Variants in DTWD2 observed in about 807,000 individuals in gnomAD.
DTWD2 encodes tRNA-uridine aminocarboxypropyltransferase 2.
In DTWD2, 39 loss-of-function variants were observed where a neutral mutation model predicts 31.8. The observed-to-expected ratio is 1.22, with a 90% CI of 0.95 to 1.60. DTWD2 has a LOEUF of 1.60. Ranked by LOEUF, DTWD2 falls within the 40% of genes most tolerant of loss-of-function variation. The pLI is 0.00. For missense variants in DTWD2, 515 were observed against 381.5 expected (o/e 1.35, Z -2.92); for synonymous variants, 180 against 142.8 (o/e 1.26, Z -1.86).
chr5:118,906,538 C>G (rs1479612364), intron 4 of DTWD2, among the ~76,000 whole-genome samples: 1 of 152,068 alleles, frequency 6.6e-6, no homozygotes, highest in African/African-American at 2.4e-5. Flanking sequence ...ACTTCTGATA[C>G]ATACAACAAA....
intron 4 of DTWD2, among the ~76,000 whole-genome samples, chr5:118,887,166 T>C (rs1311314972): frequency 2.0e-5 from 3 of 152,190 alleles, no homozygotes; most frequent in Non-Finnish European, 4.4e-5. Context: ...AAATCCTGGA[T>C]CTGCCACTTT....
intron 1 of DTWD2, among the ~76,000 whole-genome samples, chr5:118,970,524 T>A (rs910370831): frequency 6.6e-6 from 1 of 152,192 alleles, no homozygotes; most frequent in African/African-American, 2.4e-5. Flanking sequence ...CTGGGGTACC[T>A]GAAAGAGACA....
intron 1 of DTWD2, among the ~76,000 whole-genome samples, chr5:118,987,890 T>C (rs931851645): frequency 1.1e-4 from 17 of 152,130 alleles, no homozygotes; most frequent in Admixed American, 1.0e-3. Flanking sequence ...GTAGGATAGG[T>C]AAAGGAGACT....
At chr5:118,911,885 C>T (rs1341311011) in intron 4 of DTWD2, among the ~76,000 whole-genome samples, 1 of 152,208 alleles carries the variant, frequency 6.6e-6, no homozygotes, top group African/African-American at 2.4e-5. Flanking sequence ...TATCCCTACT[C>T]AGGGGCATAT....
rs1489634629 is a variant in DTWD2, at chr5:118,836,986, T to G, written c.*3931A>C. 6.6e-6 allele frequency among the ~76,000 whole-genome samples: 1 copy of G among 152,236 alleles called. No homozygotes were observed. On this transcript the variant is annotated 3_prime_UTR_variant, in exon 6 of 6. Transcript: ENST00000510708. ...AAAAGTCAGGGATTTCCAGATTTCC[T>G]GAATAATTTTTAAATATAAAATTGT...
chr5:118,894,521 A>AG (rs1753040591), intron 4 of DTWD2, among the ~76,000 whole-genome samples: 1 of 152,210 alleles, frequency 6.6e-6, no homozygotes, highest in Non-Finnish European at 1.5e-5. Flanking sequence ...TAAATAGAAC[A>AG]GGAAAAAGAA....
chr5:118,905,573 A>G (rs923905788), intron 4 of DTWD2, among the ~76,000 whole-genome samples: 3 of 152,158 alleles, frequency 2.0e-5, no homozygotes, highest in Non-Finnish European at 4.4e-5. Context: ...GGATTCAAAG[A>G]ATCTTACTAT....
At chr5:118,843,294 G>A (rs1408764495) in intron 5 of DTWD2, among the ~76,000 whole-genome samples, 1 of 151,056 alleles carries the variant, frequency 6.6e-6, no homozygotes, top group Non-Finnish European at 1.5e-5. Flanking sequence ...AGGAAGGAAG[G>A]GAAAGGAAGG....
At chr5:118,986,274 G>A (rs1010520238) in intron 1 of DTWD2, among the ~76,000 whole-genome samples, 2 of 152,124 alleles carry the variant, frequency 1.3e-5, no homozygotes, top group African/African-American at 4.8e-5. Context: ...GGCAGGTTTT[G>A]TAAACAAGAC....
At chr5:118,857,615 T>C (rs1752168494) in intron 4 of DTWD2, among the ~76,000 whole-genome samples, 1 of 152,204 alleles carries the variant, frequency 6.6e-6, no homozygotes, top group African/African-American at 2.4e-5. Flanking sequence ...TAGAAGTTAT[T>C]GATTTTAATG....
chr5:118,981,161 T>C (rs957585257), intron 1 of DTWD2, among the ~76,000 whole-genome samples: 1 of 151,954 alleles, frequency 6.6e-6, no homozygotes, highest in Admixed American at 6.6e-5. Context: ...AAACAAAAAG[T>C]AGAATAGAGG....
At chr5:118,909,192 G>T (rs368199580) in intron 4 of DTWD2, among the ~76,000 whole-genome samples, 1 of 152,224 alleles carries the variant, frequency 6.6e-6, no homozygotes, top group African/African-American at 2.4e-5. Flanking sequence ...ACAAAGAAGT[G>T]TGTGGCCTAT....
chr5:118,928,025 G>T (rs1753845681), intron 4 of DTWD2, among the ~76,000 whole-genome samples: 1 of 151,954 alleles, frequency 6.6e-6, no homozygotes, highest in Non-Finnish European at 1.5e-5. Flanking sequence ...AGGAATATAA[G>T]AATGGACCAA....
rs1463461622 is a variant in DTWD2 at position 118,957,312 on chromosome 5, C to G, written c.219-12663G>C. Reference sequence around the variant, plus strand: ...TCTCGGCTCACTGCAACCTCCACATCCCGGGTACAAGCAATTCTCCTGCCT... The same window carrying G: ...TCTCGGCTCACTGCAACCTCCACATGCCGGGTACAAGCAATTCTCCTGCCT... On this transcript the variant is annotated intron_variant, in intron 1 of 5. Coordinates refer to ENST00000510708, the MANE Select transcript of DTWD2 (RefSeq NM_173666.4). Among the ~76,000 whole-genome samples the G allele has an allele frequency of 2.0e-5, 3 of 151,884 alleles. No individual in the cohort carries two copies. In the East Asian group the frequency reaches 5.8e-4, roughly 29 times the overall value.
At chr5:118,934,246 G>A (rs1003681830) in intron 3 of DTWD2, among the ~76,000 whole-genome samples, 3 of 112,028 alleles carry the variant, frequency 2.7e-5, no homozygotes, top group South Asian at 3.2e-4. Flanking sequence ...ACTGGCCTGG[G>A]CAACATAGTG....
At chr5:118,869,226 C>A (rs1533107) in intron 4 of DTWD2, among the ~76,000 whole-genome samples, 25 of 151,552 alleles carry the variant, frequency 1.6e-4, no homozygotes, top group African/African-American at 5.8e-4. Flanking sequence ...TGTATTTTAC[C>A]ACAACTTTTT....
intron 1 of DTWD2, among the ~76,000 whole-genome samples, chr5:118,954,782 A>G (rs1458827586): frequency 6.6e-6 from 1 of 152,110 alleles, no homozygotes; most frequent in African/African-American, 2.4e-5. Context: ...CGGCCTCCCA[A>G]AGTGCTGAAG....
At chr5:118,876,843 T>C (rs1045095909) in intron 4 of DTWD2, among the ~76,000 whole-genome samples, 13 of 152,104 alleles carry the variant, frequency 8.5e-5, no homozygotes, top group Admixed American at 2.0e-4. Flanking sequence ...TTCCAAAAGA[T>C]TGAGGAGGAG....
chr5:118,947,888 T>C (rs1279147677), intron 1 of DTWD2, among the ~76,000 whole-genome samples: 1 of 152,202 alleles, frequency 6.6e-6, no homozygotes, highest in African/African-American at 2.4e-5. Context: ...GATTTTGTGA[T>C]ACTATTGAGG....
Sources: gnomAD v4.1 joint callset for allele counts (sites outside exome capture counted in the v4.1 genomes callset) on GRCh38, gnomAD v4.1.1 for gene constraint, MANE v1.5 for transcripts, NCBI Gene and HGNC (gene_info 2026-07-23, HGNC 2026-07-21) for gene names.